MTUS1: variants seen among roughly 807,000 people sequenced by gnomAD.
MTUS1 encodes microtubule-associated tumor suppressor 1.
In MTUS1, 109 loss-of-function variants were observed where a neutral mutation model predicts 120.8. The ratio of observed to expected loss-of-function variants is 0.90; its 90% CI spans 0.77 to 1.06. MTUS1 has a LOEUF of 1.06. Among genes scored for constraint, MTUS1 ranks in the 50% least tolerant of loss-of-function variants. The pLI, the probability that MTUS1 is intolerant of heterozygous loss-of-function variation, is 0.00. For missense variants in MTUS1, 2,210 were observed against 1,486.3 expected, an observed-to-expected ratio of 1.49 and a Z score of -8.01; for synonymous variants, 737 against 550.5, an observed-to-expected ratio of 1.34 and a Z score of -4.74.
intron 5 of MTUS1, among the ~76,000 whole-genome samples, chr8:17,714,399 A>G (rs990016128): frequency 6.6e-6 from 1 of 152,224 alleles, no homozygotes; most frequent in African/African-American, 2.4e-5. Context: ...ACTAATAGAT[A>G]TTAACAATCC....
At chr8:17,673,354 A>G (rs1812412779) in intron 8 of MTUS1, among the ~76,000 whole-genome samples, 1 of 152,222 alleles carries the variant, frequency 6.6e-6, no homozygotes, top group African/African-American at 2.4e-5. Context: ...TCCACAGCCT[A>G]AAATAAAGTG....
intron 4 of MTUS1, chr8:17,721,872 A>G (rs1464020521): frequency 1.9e-6 from 3 of 1,614,006 alleles, no homozygotes; most frequent in East Asian, 4.5e-5. Flanking sequence ...CAGTTTCTGT[A>G]CAACTGCGAA....
At chr8:17,654,345 T>G (rs1807726900) in intron 10 of MTUS1, 1 of 566,624 alleles carries the variant, frequency 1.8e-6, no homozygotes, top group Non-Finnish European at 3.1e-6. Context: ...CCCATCCTAT[T>G]TAACACAAGG....
At chr8:17,666,182 G>C (rs181050828) in intron 8 of MTUS1, among the ~76,000 whole-genome samples, 1 of 148,592 alleles carries the variant, frequency 6.7e-6, no homozygotes, top group Non-Finnish European at 1.5e-5. Context: ...TTGGAGGCGA[G>C]AGCACAGCTG....
intron 8 of MTUS1, among the ~76,000 whole-genome samples, chr8:17,661,925 GC>G (rs1313993368): frequency 6.6e-6 from 1 of 152,178 alleles, no homozygotes; most frequent in African/African-American, 2.4e-5. Context: ...GAAGGAAGTG[GC>G]CTGGGCTGCG....
At chr8:17,695,331 A>G (rs1195454366) in intron 6 of MTUS1, among the ~76,000 whole-genome samples, 1 of 152,204 alleles carries the variant, frequency 6.6e-6, no homozygotes, top group African/African-American at 2.4e-5. Context: ...CAAAAATTCT[A>G]AATAGAAGTC....
At chr8:17,798,487 C>G (rs543169497) in intron 1 of MTUS1, among the ~76,000 whole-genome samples, 2 of 152,170 alleles carry the variant, frequency 1.3e-5, no homozygotes, top group South Asian at 2.1e-4. Context: ...TCCATGCCAA[C>G]ACAATTGACT....
intron 1 of MTUS1, among the ~76,000 whole-genome samples, chr8:17,789,106 C>T (rs1024682182): frequency 5.9e-5 from 9 of 151,872 alleles, no homozygotes; most frequent in African/African-American, 2.2e-4. Context: ...GATCTCAGCT[C>T]ACCACAACCT....
intron 12 of MTUS1, among the ~76,000 whole-genome samples, chr8:17,652,290 C>T (rs559388046): frequency 3.9e-5 from 6 of 152,176 alleles, no homozygotes; most frequent in East Asian, 3.9e-4. Flanking sequence ...ATCCATACGG[C>T]GAAATATTAT....
At chr8:17,751,460 A>T (rs1360396366) in intron 2 of MTUS1, among the ~76,000 whole-genome samples, 7 of 152,214 alleles carry the variant, frequency 4.6e-5, no homozygotes, top group Admixed American at 4.6e-4. Flanking sequence ...CCAGTGGCCT[A>T]TGAGGGTCTG....
At chr8:17,660,538 G>A (rs114466172) in intron 8 of MTUS1, among the ~76,000 whole-genome samples, 1 of 152,050 alleles carries the variant, frequency 6.6e-6, no homozygotes, top group East Asian at 1.9e-4. Context: ...CAATTCTTTG[G>A]TGTATATACC....
chr8:17,773,669 C>T (rs2050182436), intron 1 of MTUS1, among the ~76,000 whole-genome samples: 1 of 152,162 alleles, frequency 6.6e-6, no homozygotes, highest in African/African-American at 2.4e-5. Context: ...CCACCAGTCC[C>T]ATCATGGGGT....
chr8:17,697,815 C>A, intron 6 of MTUS1: 1 of 692,426 alleles, frequency 1.4e-6, no homozygotes, highest in Non-Finnish European at 1.8e-6. Flanking sequence ...TTAACTACTT[C>A]AAGTGCCTAA....
At chr8:17,672,093 A>G (rs973348728) in intron 8 of MTUS1, among the ~76,000 whole-genome samples, 3 of 152,166 alleles carry the variant, frequency 2.0e-5, no homozygotes, top group Non-Finnish European at 4.4e-5. Flanking sequence ...GAATACTCTG[A>G]TGAGGTCTCA....
chr8:17,675,277 C>T lies in MTUS1; in HGVS notation c.2839-25G>A, dbSNP rs372977808. On this transcript the variant is annotated intron_variant, in intron 7 of 14. Transcript: ENST00000693296. Reference sequence around the variant, plus strand: ...GCTGCGGAAAACACACATCAAGTTACTCATGCTTTCAAGAGGGTCCCTTTC... The same window carrying T: ...GCTGCGGAAAACACACATCAAGTTATTCATGCTTTCAAGAGGGTCCCTTTC... 3.9e-5 allele frequency: 63 copies of T among 1,611,664 alleles called. No individual in the cohort carries two copies. The South Asian group carries it at 5.7e-4, about 15-fold the overall frequency.
intron 8 of MTUS1, among the ~76,000 whole-genome samples, chr8:17,662,040 C>A (rs1204208171): frequency 6.6e-6 from 1 of 152,188 alleles, no homozygotes. Flanking sequence ...GCAGCTGTGA[C>A]ATAAACGTGT....
intron 1 of MTUS1, among the ~76,000 whole-genome samples, chr8:17,764,094 G>A (rs888436023): frequency 6.6e-6 from 1 of 152,170 alleles, no homozygotes; most frequent in Admixed American, 6.5e-5. Flanking sequence ...GGTGGGGAAA[G>A]AACAGTGATG....
intron 3 of MTUS1, 83 bp from the exon 4 acceptor site, chr8:17,723,916 C>T: frequency 8.9e-7 from 1 of 1,127,102 alleles, no homozygotes; most frequent in Non-Finnish European, 1.3e-6. Context: ...ACTCAAACTT[C>T]TGCACTAACA....
chr8:17,753,791 C>G lies in MTUS1; in HGVS notation c.2017G>C (p.Gly673Arg). The G allele has an allele frequency of 6.2e-7, 1 of 1,613,530 alleles. No homozygotes were observed. The highest frequency in any genetic ancestry group is 8.5e-7 in the Non-Finnish European group (1 of 1,179,920). ...AGCTCTTGTTTTTCCATAGATGTCCCATTTTCTTTTTCACCCTTCTTTTCA... is the reference window on the plus strand; with the variant it reads ...AGCTCTTGTTTTTCCATAGATGTCCGATTTTCTTTTTCACCCTTCTTTTCA... ...SPEKKGEKEN[G>R]TSMEKQELKQ... The change falls in exon 2 of 15, where the codon GGG becomes CGG. Residue 673 changes from glycine (G) to arginine (R), a missense_variant. Physicochemically the swap from Gly to Arg is moderately radical, Grantham distance 125. Transcript: ENST00000693296.
Sources: gnomAD v4.1 joint callset for allele counts (sites outside exome capture counted in the v4.1 genomes callset) on GRCh38, gnomAD v4.1.1 for gene constraint, MANE v1.5 for transcripts, NCBI Gene and HGNC (gene_info 2026-07-23, HGNC 2026-07-21) for gene names.